Variants in TMEM131 observed in about 807,000 individuals in gnomAD.
The protein encoded by TMEM131 is 2610524E03Rik.
TMEM131 carries 66 observed loss-of-function variants against 211.6 expected under a neutral mutation model. The ratio of observed to expected loss-of-function variants is 0.31; its 90% CI spans 0.26 to 0.38. TMEM131 has a LOEUF of 0.38. TMEM131 is among the 10% of genes least tolerant of loss of function. The pLI is 1.00. For missense variants in TMEM131, 2,036 were observed against 2,299.3 expected, an observed-to-expected ratio of 0.89 and a Z score of 2.34; for synonymous variants, 844 against 841.3, an observed-to-expected ratio of 1.00 and a Z score of -0.06.
rs906490222 is a variant in TMEM131 at position 97,978,651 on chromosome 2, T to G, written c.187+16825A>C. On this transcript the variant is annotated intron_variant, in intron 1 of 40. Coordinates refer to ENST00000186436, the MANE Select transcript of TMEM131 (RefSeq NM_015348.2). ...CTCCCGCCTAGGCCTCTGAAAGGGCTACCATACCCAGCCCAAGCTTCACTT... is the reference window on the plus strand; with the variant it reads ...CTCCCGCCTAGGCCTCTGAAAGGGCGACCATACCCAGCCCAAGCTTCACTT... Among the ~76,000 whole-genome samples, 3 of 152,208 alleles carry G rather than the reference T, an allele frequency of 2.0e-5. No homozygotes were observed. In the East Asian group the frequency reaches 5.8e-4, roughly 29 times the overall value.
At chr2:97,757,407 A>T (rs1376727403) in intron 40 of TMEM131, 24 bp from the exon 41 acceptor site, 1 of 1,555,748 alleles carries the variant, frequency 6.4e-7, no homozygotes. Flanking sequence ...GAAAGCGTCC[A>T]GCACTGAGCC....
At chr2:97,847,000 G>A (rs1310216604) in intron 5 of TMEM131, among the ~76,000 whole-genome samples, 1 of 144,268 alleles carries the variant, frequency 6.9e-6, no homozygotes, top group East Asian at 2.2e-4. Context: ...CCAACATGGT[G>A]AAACCCCACC....
chr2:97,774,401 A>C (rs1009568238), intron 32 of TMEM131, among the ~76,000 whole-genome samples: 1 of 152,252 alleles, frequency 6.6e-6, no homozygotes, highest in Non-Finnish European at 1.5e-5. Context: ...AGCTGGGAAG[A>C]AAATACACAT....
intron 33 of TMEM131, among the ~76,000 whole-genome samples, chr2:97,768,211 T>A (rs1286537905): frequency 6.6e-6 from 1 of 152,198 alleles, no homozygotes. Flanking sequence ...GATAACAAAC[T>A]GAAGTGAAAA....
At chr2:97,807,021 T>G (rs1050784119) in intron 19 of TMEM131, among the ~76,000 whole-genome samples, 5 of 152,110 alleles carry the variant, frequency 3.3e-5, no homozygotes, top group Non-Finnish European at 7.4e-5. Flanking sequence ...GTGTGGGGGA[T>G]CAAAAGAGCT....
At chr2:97,758,753 G>A (rs779705105) in intron 40 of TMEM131, 140 bp downstream of exon 40, 4 of 1,085,796 alleles carry the variant, frequency 3.7e-6, no homozygotes, top group Non-Finnish European at 5.2e-6. Context: ...AAGCAATGGA[G>A]ACAATAAAAG....
In TMEM131 at chr2:97,887,288, C is replaced by T. The variant is rs748770121; in HGVS notation, c.359+764G>A. 5.3e-5 allele frequency among the ~76,000 whole-genome samples: 8 copies of T among 152,100 alleles called. No individual in the cohort carries two copies. The East Asian group carries it at 7.7e-4, about 15-fold the overall frequency. Reference sequence around the variant, plus strand: ...AGCCTGGGGACATGTTTGCTAGTGGCGACCCACAGGGCTATTTCTTAGGCC... The same window carrying T: ...AGCCTGGGGACATGTTTGCTAGTGGTGACCCACAGGGCTATTTCTTAGGCC... On this transcript the variant is annotated intron_variant, in intron 4 of 40. Transcript: ENST00000186436.
chr2:97,914,050 A>G (rs1404591297), intron 2 of TMEM131, among the ~76,000 whole-genome samples: 1 of 152,194 alleles, frequency 6.6e-6, no homozygotes, highest in African/African-American at 2.4e-5. Flanking sequence ...CCTACTTCTT[A>G]TCAACCCAAT....
intron 4 of TMEM131, among the ~76,000 whole-genome samples, chr2:97,885,425 A>C (rs914230409): frequency 1.2e-5 from 1 of 83,830 alleles, no homozygotes; most frequent in African/African-American, 6.3e-5. Context: ...TGATCTCCTG[A>C]CCTTGTGATC....
At chr2:97,783,244 A>C (rs1462431562) in intron 31 of TMEM131, among the ~76,000 whole-genome samples, 2 of 152,190 alleles carry the variant, frequency 1.3e-5, no homozygotes. Flanking sequence ...GAATATTCAG[A>C]CATTCTCAGA....
intron 22 of TMEM131, 66 bp downstream of exon 22, chr2:97,805,022 G>T (rs1681226535): frequency 9.4e-7 from 1 of 1,067,264 alleles, no homozygotes; most frequent in Non-Finnish European, 1.3e-6. Flanking sequence ...ATATAATTTA[G>T]AAAGCATTAT....
chr2:97,807,011 G>C (rs1465445919), intron 19 of TMEM131, among the ~76,000 whole-genome samples: 1 of 152,170 alleles, frequency 6.6e-6, no homozygotes, highest in East Asian at 1.9e-4. Flanking sequence ...TCTCTTGGGG[G>C]TGTGGGGGAT....
chr2:97,913,938 C>T (rs1430453769), intron 2 of TMEM131, among the ~76,000 whole-genome samples: 1 of 152,172 alleles, frequency 6.6e-6, no homozygotes, highest in Non-Finnish European at 1.5e-5. Context: ...CTATGCTTCT[C>T]TGTCACCTTT....
At chr2:97,780,667 T>A (rs1022388092) in intron 31 of TMEM131, among the ~76,000 whole-genome samples, 1 of 152,114 alleles carries the variant, frequency 6.6e-6, no homozygotes, top group Non-Finnish European at 1.5e-5. Flanking sequence ...TAATTATTAT[T>A]TGCCAATTAA....
intron 1 of TMEM131, among the ~76,000 whole-genome samples, chr2:97,941,826 T>C (rs144006177): frequency 0.021 from 3,267 of 152,130 alleles, 113 homozygotes; most frequent in African/African-American, 0.072. Flanking sequence ...CAGGAAACAA[T>C]AGGTGCTGGA....
chr2:97,851,614 T>C (rs1404652700), intron 5 of TMEM131, among the ~76,000 whole-genome samples: 2 of 152,256 alleles, frequency 1.3e-5, no homozygotes, highest in Admixed American at 6.5e-5. Context: ...GTGTCACATT[T>C]TGGCAATCTT....
intron 2 of TMEM131, among the ~76,000 whole-genome samples, chr2:97,919,859 T>G (rs1197629834): frequency 6.6e-6 from 1 of 152,228 alleles, no homozygotes; most frequent in Non-Finnish European, 1.5e-5. Flanking sequence ...CATGAACTAC[T>G]GCGCCCAGCC....
chr2:97,893,259 T>A (rs961025443), intron 3 of TMEM131, among the ~76,000 whole-genome samples: 1 of 152,254 alleles, frequency 6.6e-6, no homozygotes, highest in Non-Finnish European at 1.5e-5. Flanking sequence ...CCATGGTGTA[T>A]ATGTGCCACA....
chr2:97,962,068 C>T (rs565149997), intron 1 of TMEM131, among the ~76,000 whole-genome samples: 9 of 152,182 alleles, frequency 5.9e-5, no homozygotes, highest in African/African-American at 2.2e-4. Flanking sequence ...TAGAGAAACA[C>T]ACAGGAGAAA....
Sources: gnomAD v4.1 joint callset for allele counts (sites outside exome capture counted in the v4.1 genomes callset) on GRCh38, gnomAD v4.1.1 for gene constraint, MANE v1.5 for transcripts, NCBI Gene and HGNC (gene_info 2026-07-23, HGNC 2026-07-21) for gene names.